Variants in RBFOX1 observed in about 807,000 individuals in gnomAD.
The protein encoded by RBFOX1 is RNA binding protein fox-1 homolog 1.
RBFOX1 carries 8 observed loss-of-function variants against 57.7 expected under a neutral mutation model. That is an observed-to-expected ratio of 0.14 (90% CI 0.08 to 0.25). RBFOX1 has a LOEUF of 0.25. Ranked by LOEUF, RBFOX1 falls within the 10% of genes least tolerant of loss-of-function variation. The pLI, the probability that RBFOX1 is intolerant of heterozygous loss-of-function variation, is 1.00. For missense variants in RBFOX1, 611 were observed against 548.5 expected (o/e 1.11, Z -1.14); for synonymous variants, 326 against 222.4 (o/e 1.47, Z -4.15).
chr16:5,757,884 G>C (rs1044108310), intron 3 of RBFOX1, among the ~76,000 whole-genome samples: 1 of 152,146 alleles, frequency 6.6e-6, no homozygotes, highest in African/African-American at 2.4e-5. Context: ...CAAGCAATGA[G>C]AAGCTCTGAC....
intron 1 of RBFOX1, among the ~76,000 whole-genome samples, chr16:5,445,798 G>A (rs2068222595): frequency 6.6e-6 from 1 of 152,220 alleles, no homozygotes; most frequent in Non-Finnish European, 1.5e-5. Context: ...AGAGGAACAT[G>A]CTGACCCATA....
At chr16:6,561,780 G>T (rs1009245389) in intron 2 of RBFOX1, among the ~76,000 whole-genome samples, 1 of 152,144 alleles carries the variant, frequency 6.6e-6, no homozygotes, top group African/African-American at 2.4e-5. Context: ...TAAGTGATTA[G>T]TGGACAGATT....
intron 4 of RBFOX1, among the ~76,000 whole-genome samples, chr16:5,930,711 TAGGTGGGAGGGTGAGTAGGTGGGC>T (rs1195473393): frequency 9.5e-6 from 1 of 105,506 alleles, no homozygotes; most frequent in African/African-American, 3.9e-5. Context: ...CATGGTTGGG[TAGGTGGGAGGGTGAGTAGGTGGGC>T]AGGTGGGAGG....
chr16:5,833,054 G>A (rs1178689680), intron 3 of RBFOX1, among the ~76,000 whole-genome samples: 2 of 152,102 alleles, frequency 1.3e-5, no homozygotes, highest in Non-Finnish European at 2.9e-5. Flanking sequence ...CAATTTCAGG[G>A]TGTCCACAGA....
chr16:6,610,018 A>AAAACG (rs2098019715), intron 2 of RBFOX1, among the ~76,000 whole-genome samples: 1 of 149,374 alleles, frequency 6.7e-6, no homozygotes, highest in Admixed American at 6.7e-5. Context: ...AAAACAAAAC[A>AAAACG]AAACAAAACA....
intron 4 of RBFOX1, chr16:7,304,246 GA>G (rs2096115443): frequency 1.0e-6 from 1 of 967,876 alleles, no homozygotes. Flanking sequence ...GAGAGAGAGA[GA>G]CAGCGCGAGC....
At chr16:7,142,079 A>G (rs1013853285) in intron 4 of RBFOX1, among the ~76,000 whole-genome samples, 5 of 151,850 alleles carry the variant, frequency 3.3e-5, no homozygotes, top group Non-Finnish European at 7.4e-5. Flanking sequence ...GCTGGAGTGC[A>G]GTGGTGTGAT....
chr16:5,599,204 G>T lies in RBFOX1; in HGVS notation c.561G>T (p.Lys187Asn), dbSNP rs1406477071. Residue 187 changes from lysine to asparagine, a missense_variant, in exon 3 of 3, where the codon AAG (lysine) becomes AAT (asparagine). Physicochemically the swap from Lys to Asn is moderately conservative, Grantham distance 94. Transcript: ENST00000585867. ...GAGCTGTATTCTGTCCTCTAAAAAAGACCAGGCCCACTTGGTGGACAGATC... is the reference window on the plus strand; with the variant it reads ...GAGCTGTATTCTGTCCTCTAAAAAATACCAGGCCCACTTGGTGGACAGATC... 1.7e-5 allele frequency: 12 copies of T among 701,364 alleles called. No homozygotes were observed. In the East Asian group the frequency reaches 3.0e-4, roughly 17 times the overall value. The allele number at this position is 701,364 out of a possible 1,614,324, so 43.4% of individuals were successfully genotyped here.
chr16:5,461,627 G>A (rs1211659943), intron 1 of RBFOX1, among the ~76,000 whole-genome samples: 1 of 152,182 alleles, frequency 6.6e-6, no homozygotes, highest in Non-Finnish European at 1.5e-5. Context: ...CCTTTAAGTG[G>A]ATTCAAGCCC....
chr16:6,110,774 A>G (rs953989494), intron 1 of RBFOX1, among the ~76,000 whole-genome samples: 1 of 152,098 alleles, frequency 6.6e-6, no homozygotes, highest in South Asian at 2.1e-4. Context: ...ATGCCTTGAG[A>G]CCTATTTCAC....
intron 1 of RBFOX1, among the ~76,000 whole-genome samples, chr16:6,058,609 TCCATCCACCCATCCATCTACCCAC>T (rs1447312995): frequency 6.6e-6 from 1 of 150,846 alleles, no homozygotes; most frequent in African/African-American, 2.4e-5. Context: ...CATCCACCCA[TCCATCCACCCATCCATCTACCCAC>T]CCATCCACCC....
chr16:6,409,109 T>C (rs960304032), intron 2 of RBFOX1, among the ~76,000 whole-genome samples: 1 of 152,196 alleles, frequency 6.6e-6, no homozygotes, highest in Non-Finnish European at 1.5e-5. Flanking sequence ...CAAATACTAA[T>C]GTTTTATAAC....
rs150967160 is a variant in RBFOX1 at position 6,237,881 on chromosome 16, C to T, written c.-126-79114C>T. Among the ~76,000 whole-genome samples, 101 of 151,890 alleles carry T rather than the reference C, an allele frequency of 6.6e-4. 1 individual carries two copies. The highest frequency in any genetic ancestry group is 2.4e-3 in the African/African-American group (100 of 41,458). On this transcript the variant is annotated intron_variant, in intron 1 of 15. Transcript: ENST00000550418. ...GGCCAAGGTGGGCGGGTCAGGAGGG[C>T]AAGAAATGGAGATCATCCTGGTCAA...
At chr16:7,005,698 G>C (rs990408326) in intron 3 of RBFOX1, among the ~76,000 whole-genome samples, 3 of 152,150 alleles carry the variant, frequency 2.0e-5, no homozygotes, top group Non-Finnish European at 4.4e-5. Flanking sequence ...GCCATCTCAG[G>C]ACTGTGGTGG....
rs191971439 is a variant in RBFOX1 at position 6,994,880 on chromosome 16, C to G, written c.-15-57177C>G. Among the ~76,000 whole-genome samples the G allele has an allele frequency of 1.3e-3, 193 of 152,020 alleles. 1 individual carries two copies. The highest frequency in any genetic ancestry group is 2.3e-3 in the Non-Finnish European group (157 of 67,996). Reference sequence around the variant, plus strand: ...GGTGAGATGTTATCAAAACAAAATTCCAAATTAACTTGGATATCTCTATCA... The same window carrying G: ...GGTGAGATGTTATCAAAACAAAATTGCAAATTAACTTGGATATCTCTATCA... On this transcript the variant is annotated intron_variant, in intron 3 of 15. Transcript: ENST00000550418.
At chr16:6,963,204 A>T (rs148965889) in intron 3 of RBFOX1, among the ~76,000 whole-genome samples, 1 of 152,062 alleles carries the variant, frequency 6.6e-6, no homozygotes, top group Non-Finnish European at 1.5e-5. Context: ...CCGTCATGCC[A>T]TAATTTTCTG....
intron 2 of RBFOX1, among the ~76,000 whole-genome samples, chr16:5,483,717 A>G (rs148630525): frequency 6.6e-6 from 1 of 152,178 alleles, no homozygotes; most frequent in Non-Finnish European, 1.5e-5. Flanking sequence ...ACAGATATGG[A>G]TGAGTGTATT....
chr16:6,543,254 C>A (rs920163520), intron 2 of RBFOX1, among the ~76,000 whole-genome samples: 2 of 152,090 alleles, frequency 1.3e-5, no homozygotes, highest in African/African-American at 4.8e-5. Flanking sequence ...CTCCATGCCA[C>A]CGTTAGCTGT....
intron 3 of RBFOX1, among the ~76,000 whole-genome samples, chr16:6,963,074 A>C (rs1195843481): frequency 6.6e-6 from 1 of 152,266 alleles, no homozygotes; most frequent in East Asian, 1.9e-4. Flanking sequence ...CAAATGCTCC[A>C]GGCCCACCTT....
Sources: allele counts gnomAD v4.1 joint callset (sites outside exome capture counted in the v4.1 genomes callset), GRCh38; gene constraint gnomAD v4.1.1; transcripts MANE v1.5; gene names NCBI Gene and HGNC (gene_info 2026-07-23, HGNC 2026-07-21).